Variants in FMN1 observed in about 807,000 individuals in gnomAD.
The protein encoded by FMN1 is formin-1.
FMN1 carries 110 observed loss-of-function variants against 132.4 expected under a neutral mutation model. The observed-to-expected ratio is 0.83, with a 90% CI of 0.71 to 0.97. The LOEUF is 0.97. Ranked by LOEUF, FMN1 falls within the 50% of genes least tolerant of loss-of-function variation. The probability of loss-of-function intolerance (pLI) is 0.00; values close to 1 mark genes in which losing one functional copy is unlikely to be tolerated. For missense variants in FMN1, 1,792 were observed against 1,705.3 expected, an observed-to-expected ratio of 1.05 and a Z score of -0.90; for synonymous variants, 722 against 651.7, an observed-to-expected ratio of 1.11 and a Z score of -1.64.
intron 4 of FMN1, among the ~76,000 whole-genome samples, chr15:33,125,521 T>G (rs937947939): frequency 6.6e-6 from 1 of 152,106 alleles, no homozygotes; most frequent in Non-Finnish European, 1.5e-5. Flanking sequence ...TTCTCAAATT[T>G]GGATATCTAA....
intron 4 of FMN1, among the ~76,000 whole-genome samples, chr15:33,127,957 GGAAA>G (rs1427712502): frequency 6.6e-6 from 1 of 151,954 alleles, no homozygotes; most frequent in Non-Finnish European, 1.5e-5. Context: ...ACAGGAGAAA[GGAAA>G]GAAAGGGGAA....
At chr15:32,881,967 T>C (rs1449980824) in intron 16 of FMN1, among the ~76,000 whole-genome samples, 1 of 152,182 alleles carries the variant, frequency 6.6e-6, no homozygotes, top group Non-Finnish European at 1.5e-5. Flanking sequence ...GTATGCTTTC[T>C]TTTGGGTCAC....
intron 5 of FMN1, among the ~76,000 whole-genome samples, chr15:33,088,010 G>A (rs1216900227): frequency 1.3e-5 from 2 of 152,106 alleles, no homozygotes; most frequent in Non-Finnish European, 2.9e-5. Context: ...GCTAAGCTAT[G>A]AGGACGCAAA....
chr15:33,133,291 G>A (rs143881923), intron 4 of FMN1, among the ~76,000 whole-genome samples: 21 of 152,332 alleles, frequency 1.4e-4, no homozygotes, highest in African/African-American at 4.8e-4. Flanking sequence ...TTGGTCTCTA[G>A]TCCCAGTTCC....
At chr15:32,971,064 C>T (rs1304491923) in intron 7 of FMN1, among the ~76,000 whole-genome samples, 1 of 152,200 alleles carries the variant, frequency 6.6e-6, no homozygotes, top group Non-Finnish European at 1.5e-5. Flanking sequence ...TAGGCACTTG[C>T]GAGTTCTATG....
chr15:33,092,155 G>C (rs922354451), intron 4 of FMN1, among the ~76,000 whole-genome samples: 1 of 152,220 alleles, frequency 6.6e-6, no homozygotes, highest in Non-Finnish European at 1.5e-5. Flanking sequence ...TTGAAAGTCT[G>C]TGCTTTTCAA....
intron 4 of FMN1, among the ~76,000 whole-genome samples, chr15:33,094,345 C>T (rs541902520): frequency 6.6e-6 from 1 of 152,274 alleles, no homozygotes; most frequent in East Asian, 1.9e-4. Flanking sequence ...CAAGTAATTT[C>T]CTGTTTTAAG....
intron 4 of FMN1, among the ~76,000 whole-genome samples, chr15:33,123,638 G>T (rs1205941026): frequency 6.6e-6 from 1 of 152,178 alleles, no homozygotes; most frequent in Non-Finnish European, 1.5e-5. Flanking sequence ...CAAACAGCTA[G>T]CTATTTTATA....
chr15:33,054,392 T>G (rs2037121176), intron 6 of FMN1, among the ~76,000 whole-genome samples: 1 of 152,194 alleles, frequency 6.6e-6, no homozygotes, highest in South Asian at 2.1e-4. Flanking sequence ...ATTCTTATAT[T>G]TATTAAGTCC....
chr15:32,898,938 C>G, intron 14 of FMN1, 45 bp from the exon 15 acceptor site: 2 of 1,297,234 alleles, frequency 1.5e-6, no homozygotes, highest in South Asian at 1.2e-5. Context: ...TCCCATGAGA[C>G]TGTCATGTTA....
chr15:33,067,789 C>T (rs763223752), intron 5 of FMN1: 1 of 1,613,980 alleles, frequency 6.2e-7, no homozygotes, highest in South Asian at 1.1e-5. Context: ...TCATAGAGAA[C>T]TTACTCAGGA....
chr15:32,811,720 A>C (rs1426706326), intron 17 of FMN1, among the ~76,000 whole-genome samples: 1 of 150,178 alleles, frequency 6.7e-6, no homozygotes, highest in Non-Finnish European at 1.5e-5. Context: ...GCTGGAGTGC[A>C]GTGGTGCGAT....
intron 5 of FMN1, among the ~76,000 whole-genome samples, chr15:33,083,491 TGA>T (rs1282683052): frequency 1.3e-5 from 2 of 152,180 alleles, no homozygotes; most frequent in Admixed American, 1.3e-4. Flanking sequence ...GGCTAAAGGT[TGA>T]GCTAATCACC....
At position 32,770,142 on chromosome 15, in the gene FMN1, GTAC is replaced by G. The variant is rs1345324068; in HGVS notation, c.*4165_*4167del. 2 of 152,092 alleles carry G rather than the reference GTAC, an allele frequency of 1.3e-5. No homozygotes were observed. The highest frequency in any genetic ancestry group is 4.8e-5 in the African/African-American group (2 of 41,412). The allele number at this position is 152,092 out of a possible 1,614,324, so 9.4% of individuals were successfully genotyped here. On this transcript the variant is annotated 3_prime_UTR_variant, in exon 21 of 21. Transcript: ENST00000616417. Reference sequence around the variant, plus strand: ...TTGTTGTTTTTGTGGATGGAGATGAGTACTACAAAATTGACCAATTTAGTATGT... The same window carrying G: ...TTGTTGTTTTTGTGGATGGAGATGAGTACAAAATTGACCAATTTAGTATGT...
intron 9 of FMN1, among the ~76,000 whole-genome samples, chr15:32,933,263 T>A (rs1234780417): frequency 6.6e-6 from 1 of 152,212 alleles, no homozygotes; most frequent in Admixed American, 6.5e-5. Context: ...TGCTGTTTAA[T>A]TTCCCTGTAT....
At chr15:32,921,643 T>A (rs1055912028) in intron 10 of FMN1, among the ~76,000 whole-genome samples, 1 of 151,940 alleles carries the variant, frequency 6.6e-6, no homozygotes, top group African/African-American at 2.4e-5. Flanking sequence ...CACATTCATA[T>A]ATACAATCTA....
intron 16 of FMN1, among the ~76,000 whole-genome samples, chr15:32,861,098 A>G (rs2059257653): frequency 6.6e-6 from 1 of 152,202 alleles, no homozygotes; most frequent in South Asian, 2.1e-4. Context: ...AGTTCCTTAA[A>G]TTATTTAATT....
intron 9 of FMN1, among the ~76,000 whole-genome samples, chr15:32,950,937 G>A (rs1055011160): frequency 1.3e-5 from 2 of 151,724 alleles, no homozygotes; most frequent in African/African-American, 2.4e-5. Context: ...TGATCTGTAT[G>A]AAAAATTCCT....
In FMN1 at chr15:32,968,869, A is replaced by T; in HGVS notation, c.2832T>A (p.Pro944=). The T allele has an allele frequency of 1.1e-6, 1 of 898,342 alleles. No individual in the cohort carries two copies. The highest frequency in any genetic ancestry group is 1.6e-6 in the Non-Finnish European group (1 of 624,308). 55.6% of individuals were successfully genotyped at this position (898,342 alleles called of 1,614,324 possible). Residue 944 remains proline, a synonymous_variant, in exon 8 of 21, where the codon CCT becomes CCA. Coordinates refer to ENST00000616417, the MANE Select transcript of FMN1 (RefSeq NM_001277313.2). ...GTGCAAGTCCTGGGGGTGGTGGAGC[A>T]GGAGGAGGCCCTCCAGGGTTGGGTG... ...PAPPNPGGPP[P]APPPPGLAPP...
Sources: allele counts gnomAD v4.1 joint callset (sites outside exome capture counted in the v4.1 genomes callset), GRCh38; gene constraint gnomAD v4.1.1; transcripts MANE v1.5; gene names NCBI Gene and HGNC (gene_info 2026-07-23, HGNC 2026-07-21).